The following DHDH variants were observed in gnomAD, a reference collection of about 807,000 sequenced individuals.
DHDH encodes the protein dihydrodiol dehydrogenase, also known as trans-1,2-dihydrobenzene-1,2-diol dehydrogenase.
A neutral mutation model predicts 33.2 loss-of-function variants in DHDH; 29 were observed. The observed-to-expected ratio is 0.87, with a 90% CI of 0.65 to 1.19. The LOEUF is 1.19. Among genes scored for constraint, DHDH ranks in the 50% most tolerant of loss-of-function variants. The pLI, the probability that DHDH is intolerant of heterozygous loss-of-function variation, is 0.00. For synonymous variants in DHDH, 201 were observed against 187.9 expected (o/e 1.07, Z -0.57); for missense variants, 431 against 455.0 (o/e 0.95, Z 0.48).
intron 5 of DHDH, among the ~76,000 whole-genome samples, chr19:48,943,697 A>C (rs2037898191): frequency 1.3e-5 from 2 of 152,018 alleles, no homozygotes; most frequent in South Asian, 4.1e-4. Context: ...GTGGTGGTGC[A>C]TGCCTGTAAT....
intron 3 of DHDH, among the ~76,000 whole-genome samples, chr19:48,937,289 G>T (rs1180203419): frequency 6.6e-6 from 1 of 152,088 alleles, no homozygotes; most frequent in African/African-American, 2.4e-5. Flanking sequence ...CGCTCCTCTC[G>T]ACTGCTCCGA....
At chr19:48,936,818 C>T (rs2037784295) in intron 3 of DHDH, among the ~76,000 whole-genome samples, 1 of 151,830 alleles carries the variant, frequency 6.6e-6, no homozygotes, top group African/African-American at 2.4e-5. Context: ...GACCAAGGAA[C>T]CCCCTACAAA....
chr19:48,933,167 A>G (rs776751586), upstream of DHDH, among the ~76,000 whole-genome samples: 16 of 152,286 alleles, frequency 1.1e-4, no homozygotes, highest in Admixed American at 2.0e-4. Context: ...GGGACAATAG[A>G]AGCTACTTCC....
rs371844145 is a variant in DHDH at position 48,937,673 on chromosome 19, G to C, written c.366+1478G>C. ...TAAAAATACAAAAAATTAGCCGGGC[G>C]TGGTGGCGGGCGCCTGTAGTCCCAG... On this transcript the variant is annotated intron_variant, in intron 3 of 6. Transcript: ENST00000221403. 2.8e-3 allele frequency among the ~76,000 whole-genome samples: 428 copies of C among 152,062 alleles called. 2 individuals carry two copies. Among genetic ancestry groups the C allele is most frequent in the Middle Eastern group, 0.01 (3 of 294 alleles).
chr19:48,936,264 G>A (rs1312691625), intron 3 of DHDH, 69 bp downstream of exon 3: 16 of 1,482,494 alleles, frequency 1.1e-5, no homozygotes, highest in Middle Eastern at 3.6e-4. Context: ...TTGCCAGTGC[G>A]CGGACGGGGT....
intron 4 of DHDH, among the ~76,000 whole-genome samples, chr19:48,940,608 C>T (rs2037845504): frequency 6.6e-6 from 1 of 151,924 alleles, no homozygotes; most frequent in African/African-American, 2.4e-5. Context: ...AATCCCAGCA[C>T]TTTGGGAGGC....
At position 48,937,571 on chromosome 19, in the gene DHDH, G is replaced by C. The variant is rs76433513; in HGVS notation, c.366+1376G>C. ...CTCACGCCTGTAATCCCAGCACTTC[G>C]AGAGGCAGAGGCGGGCGGATCACGA... is the stretch of plus-strand genomic sequence containing the variant. On this transcript the variant is annotated intron_variant, in intron 3 of 6. Coordinates refer to ENST00000221403, the MANE Select transcript of DHDH (RefSeq NM_014475.4). Among the ~76,000 whole-genome samples, 611 of 151,872 alleles carry C rather than the reference G, an allele frequency of 4.0e-3. 3 individuals carry two copies. Among genetic ancestry groups the C allele is most frequent in the African/African-American group, 0.014 (570 of 41,256 alleles).
rs1239325645 is a variant in DHDH, at chr19:48,942,484, G to T, written c.664G>T (p.Val222Phe). 1 of 1,613,744 alleles carries T rather than the reference G, an allele frequency of 6.2e-7. No homozygotes were observed. ...GGTGCTCCTGCAGTACCCAGGGGAG[G>T]TCCATGGCAGCTTCACCTGCAGCAT... is the stretch of plus-strand genomic sequence containing the variant. ...VTVLLQYPGE[V>F]HGSFTCSITV... is the part of the protein sequence containing the mutation. Residue 222 changes from valine to phenylalanine, a missense_variant, in exon 5 of 7, where the codon GTC (valine) becomes TTC (phenylalanine). Transcript: ENST00000221403.
In DHDH at chr19:48,943,834, A is replaced by C. The variant is rs534291083; in HGVS notation, c.745-523A>C. 8.6e-4 allele frequency among the ~76,000 whole-genome samples: 130 copies of C among 151,488 alleles called. 1 individual carries two copies. Among genetic ancestry groups the C allele is most frequent in the African/African-American group, 3.1e-3 (128 of 41,252 alleles). ...AGAGCGAAACTCCGTCTCACAAAAA[A>C]AAAAAAAAAAATTAGTCAGGCATGG... is the stretch of plus-strand genomic sequence containing the variant. On this transcript the variant is annotated intron_variant, in intron 5 of 6. Coordinates refer to ENST00000221403, the MANE Select transcript of DHDH (RefSeq NM_014475.4).
intron 1 of DHDH, 92 bp downstream of exon 1, chr19:48,933,903 G>A: frequency 2.5e-6 from 3 of 1,181,716 alleles, no homozygotes; most frequent in Non-Finnish European, 3.6e-6. Context: ...CAGGACTAGT[G>A]AGTGGGTCGT....
intron 5 of DHDH, among the ~76,000 whole-genome samples, chr19:48,943,706 A>T (rs1260480816): frequency 2.6e-5 from 4 of 152,054 alleles, no homozygotes; most frequent in East Asian, 1.9e-4. Flanking sequence ...CATGCCTGTA[A>T]TCCCAGCTAC....
intron 3 of DHDH, among the ~76,000 whole-genome samples, chr19:48,938,834 A>T (rs1012200284): frequency 2.6e-5 from 4 of 152,068 alleles, no homozygotes; most frequent in Non-Finnish European, 4.4e-5. Flanking sequence ...TTTTTAATAG[A>T]GACGGGGTTT....
intron 4 of DHDH, among the ~76,000 whole-genome samples, chr19:48,940,916 A>G (rs1600088136): frequency 6.6e-6 from 1 of 151,992 alleles, no homozygotes; most frequent in Non-Finnish European, 1.5e-5. Context: ...TCCTGGGCTC[A>G]AGCTATCCTC....
chr19:48,937,074 G>C (rs1009071397), intron 3 of DHDH, among the ~76,000 whole-genome samples: 2 of 151,722 alleles, frequency 1.3e-5, no homozygotes, highest in Non-Finnish European at 2.9e-5. Context: ...GTGAGCCACC[G>C]CGCCCGGCCC....
At chr19:48,939,747 T>C (rs1260446443) in intron 4 of DHDH, 46 bp downstream of exon 4, 4 of 1,542,304 alleles carry the variant, frequency 2.6e-6, no homozygotes, top group South Asian at 2.4e-5. Flanking sequence ...AATGATTCTG[T>C]CTCTCTGGGA....
At chr19:48,937,257 A>C (rs1256959945) in intron 3 of DHDH, among the ~76,000 whole-genome samples, 1 of 152,142 alleles carries the variant, frequency 6.6e-6, no homozygotes, top group Admixed American at 6.5e-5. Context: ...CCGGCTCCCC[A>C]GTGCCCTCAG....
rs745700269 is a variant in DHDH, at chr19:48,944,853, T to C, written c.925T>C (p.Ser309Pro). The stretch of plus-strand genomic sequence containing the variant: ...GAAGGAAAGTCCTGTGATTCCCCTG[T>C]CGGAAAGTGAGCTCCTGGCTGACAT... ...GMKESPVIPLSESELLADILE... is the reference protein window; with the variant it reads ...GMKESPVIPLPESELLADILE... Residue 309 changes from serine to proline, a missense_variant, in exon 7 of 7, where the codon TCG becomes CCG. Physicochemically the swap from Ser to Pro is moderately conservative, Grantham distance 74 (BLOSUM62 -1). Transcript: ENST00000221403. 3.7e-6 allele frequency: 6 copies of C among 1,613,876 alleles called. No individual in the cohort carries two copies. Among genetic ancestry groups the C allele is most frequent in the Non-Finnish European group, 5.1e-6 (6 of 1,180,012 alleles).
intron 4 of DHDH, among the ~76,000 whole-genome samples, chr19:48,941,063 G>A (rs1177517894): frequency 1.3e-5 from 2 of 152,062 alleles, no homozygotes; most frequent in Admixed American, 1.3e-4. Flanking sequence ...CTGTGCATTG[G>A]CAAATTGGGG....
At position 48,935,142 on chromosome 19, in the gene DHDH, C is replaced by T. The variant is rs748608141; in HGVS notation, c.202+31C>T. On this transcript the variant is annotated intron_variant, in intron 2 of 6. Transcript: ENST00000221403. ...TGGCGAGGGCGATGGGGGTGCTGGC[C>T]GCCGCCCCTGGAGCGGTGCCCCCTG... The T allele has an allele frequency of 1.1e-5, 17 of 1,509,076 alleles. 1 individual carries two copies. In the South Asian group the frequency reaches 1.5e-4, roughly 14 times the overall value. 93.5% of individuals were successfully genotyped at this position (1,509,076 alleles called of 1,614,324 possible). A position where few individuals can be genotyped will look rare whatever the true frequency, so the allele number is the denominator to read the frequency against.
Sources: allele counts gnomAD v4.1 joint callset (sites outside exome capture counted in the v4.1 genomes callset), GRCh38; gene constraint gnomAD v4.1.1; transcripts MANE v1.5; gene names NCBI Gene and HGNC (gene_info 2026-07-23, HGNC 2026-07-21).